The following LRP1B variants were observed in gnomAD, a reference collection of about 807,000 sequenced individuals.
The protein encoded by LRP1B is LDL receptor related protein 1B.
In LRP1B, 217 loss-of-function variants were observed where a neutral mutation model predicts 556.6. That is an observed-to-expected ratio of 0.39 (90% CI 0.35 to 0.44). The LOEUF (loss-of-function observed/expected upper bound fraction) is 0.44, where lower values mean the gene tolerates loss of function less well. Among genes scored for constraint, LRP1B ranks in the 20% least tolerant of loss-of-function variants. The pLI, the probability that LRP1B is intolerant of heterozygous loss-of-function variation, is 1.00. For missense variants in LRP1B, 5,053 were observed against 5,620.8 expected (o/e 0.90, Z 3.23); for synonymous variants, 2,047 against 1,865.8 (o/e 1.10, Z -2.50).
At chr2:141,520,506 T>C (rs530602444) in intron 2 of LRP1B, among the ~76,000 whole-genome samples, 2 of 152,170 alleles carry the variant, frequency 1.3e-5, no homozygotes, top group South Asian at 4.1e-4. Flanking sequence ...TTCTCCATTG[T>C]GATTTTTAGC....
At chr2:141,174,666 T>A (rs1012687663) in intron 7 of LRP1B, among the ~76,000 whole-genome samples, 3 of 152,060 alleles carry the variant, frequency 2.0e-5, no homozygotes, top group Non-Finnish European at 4.4e-5. Flanking sequence ...TATCCAGGCT[T>A]AGGTAGTTCC....
At chr2:141,894,519 A>G (rs909783975) in intron 1 of LRP1B, among the ~76,000 whole-genome samples, 2 of 152,094 alleles carry the variant, frequency 1.3e-5, no homozygotes, top group Non-Finnish European at 1.5e-5. Flanking sequence ...CCTCACAGTG[A>G]TATACTCATA....
At chr2:140,521,104 T>C (rs1258787752) in intron 49 of LRP1B, among the ~76,000 whole-genome samples, 1 of 152,004 alleles carries the variant, frequency 6.6e-6, no homozygotes. Context: ...GAAGAGAAAG[T>C]ATGCAACTTA....
intron 31 of LRP1B, among the ~76,000 whole-genome samples, chr2:140,822,717 A>G (rs1026008213): frequency 1.3e-5 from 2 of 152,128 alleles, no homozygotes; most frequent in African/African-American, 4.8e-5. Context: ...CCCACATTCC[A>G]TGCTTGAAAA....
At chr2:141,790,400 G>C (rs1188904978) in intron 2 of LRP1B, among the ~76,000 whole-genome samples, 1 of 151,710 alleles carries the variant, frequency 6.6e-6, no homozygotes, top group East Asian at 1.9e-4. Flanking sequence ...CAGAGCAGTT[G>C]TTTCAAGCTG....
chr2:141,233,632 A>G (rs545775577), intron 5 of LRP1B, among the ~76,000 whole-genome samples: 1 of 152,290 alleles, frequency 6.6e-6, no homozygotes, highest in East Asian at 1.9e-4. Flanking sequence ...AGTCAAAAAT[A>G]TACTAAAAGT....
chr2:141,178,465 TG>T (rs1363140915), intron 7 of LRP1B, among the ~76,000 whole-genome samples: 1 of 152,138 alleles, frequency 6.6e-6, no homozygotes, highest in African/African-American at 2.4e-5. Flanking sequence ...TTGAGCCTTT[TG>T]GTTCTTAGGT....
chr2:142,041,304 A>C (rs1022774753), intron 1 of LRP1B, among the ~76,000 whole-genome samples: 3 of 151,432 alleles, frequency 2.0e-5, no homozygotes, highest in Non-Finnish European at 1.5e-5. Flanking sequence ...GGTCATTCCA[A>C]GCCACAACCA....
chr2:141,534,573 T>C (rs568606519), intron 2 of LRP1B, among the ~76,000 whole-genome samples: 7 of 152,234 alleles, frequency 4.6e-5, no homozygotes, highest in Admixed American at 1.3e-4. Flanking sequence ...TAAGCCACTG[T>C]CTTTCCAGCT....
rs561112987 is a variant in LRP1B, at chr2:141,262,619, C to A, written c.344-7978G>T. 4.6e-5 allele frequency among the ~76,000 whole-genome samples: 7 copies of A among 152,204 alleles called. No individual in the cohort carries two copies. In the South Asian group the frequency reaches 1.0e-3, roughly 23 times the overall value. On this transcript the variant is annotated intron_variant, in intron 3 of 90. Coordinates refer to ENST00000389484, the MANE Select transcript of LRP1B (RefSeq NM_018557.3). ...GTAAAATCTATGACTGAAGGTTCAT[C>A]ATTTTGTACACAAATGTTAAATTGT... is the stretch of plus-strand genomic sequence containing the variant.
intron 23 of LRP1B, chr2:140,899,080 A>C: frequency 3.9e-6 from 1 of 256,576 alleles, no homozygotes; most frequent in Non-Finnish European, 7.8e-6. Flanking sequence ...CAATAAGTAC[A>C]TGGAGAGGTT....
rs913082928 is a variant in LRP1B at position 141,797,186 on chromosome 2, T to A, written c.205+13093A>T. Among the ~76,000 whole-genome samples, 12 of 132,404 alleles carry A rather than the reference T, an allele frequency of 9.1e-5. No homozygotes were observed. In the South Asian group the frequency reaches 1.4e-3, roughly 16 times the overall value. 86.9% of individuals were successfully genotyped at this position (132,404 alleles called of 152,430 possible). A position where few individuals can be genotyped will look rare whatever the true frequency, so the allele number is the denominator to read the frequency against. On this transcript the variant is annotated intron_variant, in intron 2 of 90. Transcript: ENST00000389484. ...ATATATATATATATATATATATATA[T>A]AACTATATATATCTTCAGGGAATTC...
chr2:141,497,524 C>A (rs1214307378), intron 2 of LRP1B, among the ~76,000 whole-genome samples: 1 of 151,982 alleles, frequency 6.6e-6, no homozygotes, highest in Non-Finnish European at 1.5e-5. Flanking sequence ...TTTTCTCCTA[C>A]ACCACATTTG....
chr2:141,789,526 A>AC (rs1574361384), intron 2 of LRP1B, among the ~76,000 whole-genome samples: 1 of 152,068 alleles, frequency 6.6e-6, no homozygotes, highest in East Asian at 1.9e-4. Flanking sequence ...TTCCAAAGAA[A>AC]CCACCAAGAT....
intron 7 of LRP1B, among the ~76,000 whole-genome samples, chr2:141,092,719 G>A (rs1700198210): frequency 6.6e-6 from 1 of 152,190 alleles, no homozygotes; most frequent in Non-Finnish European, 1.5e-5. Flanking sequence ...ATCAAGTGGG[G>A]TCCCTGAAGT....
At chr2:140,782,489 A>T (rs919168082) in intron 32 of LRP1B, among the ~76,000 whole-genome samples, 10 of 152,106 alleles carry the variant, frequency 6.6e-5, no homozygotes, top group Non-Finnish European at 1.2e-4. Flanking sequence ...GTGACCTTAG[A>T]AGAATCCTGC....
chr2:140,453,134 T>C (rs532672392), intron 62 of LRP1B, among the ~76,000 whole-genome samples: 2 of 151,930 alleles, frequency 1.3e-5, no homozygotes, highest in African/African-American at 4.8e-5. Context: ...ATCCTCAAAG[T>C]CCAATTATGA....
Position 140,716,065 on chromosome 2 carries a change from A to G in LRP1B, c.5931T>C (p.Ile1977=). The change falls in exon 37 of 91, where the codon ATT becomes ATC. Residue 1977 remains isoleucine (I), a synonymous_variant. Coordinates refer to ENST00000389484, the MANE Select transcript of LRP1B (RefSeq NM_018557.3). Reference sequence around the variant, plus strand: ...AAGAACCATTGAGTCTTGCAACTTCAATTAAGTTGAAACCATGATCTGTCC... The same window carrying G: ...AAGAACCATTGAGTCTTGCAACTTCGATTAAGTTGAAACCATGATCTGTCC... ...IYWTDHGFNL[I]EVARLNGSFR... 6.2e-7 allele frequency: 1 copy of G among 1,607,538 alleles called. No homozygotes were observed. Among genetic ancestry groups the G allele is most frequent in the Non-Finnish European group, 8.5e-7 (1 of 1,174,726 alleles).
intron 43 of LRP1B, among the ~76,000 whole-genome samples, chr2:140,568,038 C>T (rs1681188597): frequency 6.6e-6 from 1 of 151,796 alleles, no homozygotes; most frequent in Non-Finnish European, 1.5e-5. Context: ...ACCAGAAGCA[C>T]AGACAACAAA....
Sources: allele counts gnomAD v4.1 joint callset (sites outside exome capture counted in the v4.1 genomes callset), GRCh38; gene constraint gnomAD v4.1.1; transcripts MANE v1.5; gene names NCBI Gene and HGNC (gene_info 2026-07-23, HGNC 2026-07-21).